Variants in TENM2 observed in about 807,000 individuals in gnomAD.
TENM2 encodes the protein teneurin-2.
A neutral mutation model predicts 245.2 loss-of-function variants in TENM2; 52 were observed. That is an observed-to-expected ratio of 0.21 (90% CI 0.17 to 0.27). The LOEUF is 0.27. Ranked by LOEUF, TENM2 falls within the 10% of genes least tolerant of loss-of-function variation. TENM2 has a pLI of 1.00. For missense variants in TENM2, 3,046 were observed against 3,666.8 expected (o/e 0.83, Z 4.37); for synonymous variants, 1,363 against 1,438.9 (o/e 0.95, Z 1.19).
At chr5:167,704,512 G>C (rs568507313) in intron 2 of TENM2, among the ~76,000 whole-genome samples, 5 of 152,124 alleles carry the variant, frequency 3.3e-5, no homozygotes, top group Admixed American at 1.3e-4. Flanking sequence ...TCACCCTCCT[G>C]CATCATCATA....
intron 1 of TENM2, among the ~76,000 whole-genome samples, chr5:167,302,507 A>C (rs1052540680): frequency 1.3e-5 from 2 of 150,008 alleles, no homozygotes; most frequent in African/African-American, 5.0e-5. Flanking sequence ...GGGTGCAGAG[A>C]TAAGAGGTCG....
At chr5:168,243,991 G>A (rs145176288) in intron 25 of TENM2, among the ~76,000 whole-genome samples, 4,530 of 147,468 alleles carry the variant, frequency 0.031, 87 homozygotes, top group Middle Eastern at 0.045. Flanking sequence ...CCAGGCTGGA[G>A]TGCATGGCAC....
intron 2 of TENM2, among the ~76,000 whole-genome samples, chr5:167,461,391 C>G (rs1766281629): frequency 6.6e-6 from 1 of 152,092 alleles, no homozygotes; most frequent in African/African-American, 2.4e-5. Context: ...CCTCAAGAGA[C>G]AGCTCCATTC....
At chr5:168,204,905 G>A (rs1341316732) in intron 19 of TENM2, among the ~76,000 whole-genome samples, 3 of 152,232 alleles carry the variant, frequency 2.0e-5, no homozygotes, top group Admixed American at 6.5e-5. Context: ...AAGAAGCTCT[G>A]TAGACACACA....
chr5:167,004,491 A>G, the TENM2 span, among the ~76,000 whole-genome samples: 4 of 152,186 alleles, frequency 2.6e-5, no homozygotes, highest in Non-Finnish European at 5.9e-5. Flanking sequence ...GTTCATTTTT[A>G]TTTCAGGCAG....
In TENM2 at chr5:167,800,562, C is replaced by A. The variant is rs150987028; in HGVS notation, c.503-75424C>A. ...TATTTTCAGCAGTTAACAAGCAGAG[C>A]CTGCAGTTATAATATGCTCATTAGG... is the stretch of plus-strand genomic sequence containing the variant. On this transcript the variant is annotated intron_variant, in intron 2 of 28. Coordinates refer to ENST00000518659, the Ensembl canonical transcript of TENM2. Among the ~76,000 whole-genome samples, 90 of 152,266 alleles carry A rather than the reference C, an allele frequency of 5.9e-4. No individual in the cohort carries two copies. In the East Asian group the frequency reaches 0.015, roughly 25 times the overall value.
intron 2 of TENM2, among the ~76,000 whole-genome samples, chr5:167,693,915 C>T (rs375191873): frequency 2.6e-5 from 4 of 152,232 alleles, no homozygotes; most frequent in African/African-American, 9.6e-5. Context: ...AAAGATTTAG[C>T]TTAAGGATGG....
chr5:167,491,598 T>C (rs1221793027), intron 2 of TENM2, among the ~76,000 whole-genome samples: 1 of 152,180 alleles, frequency 6.6e-6, no homozygotes, highest in African/African-American at 2.4e-5. Context: ...GGTTGTCCGC[T>C]GTTACCCAAT....
intron 1 of TENM2, among the ~76,000 whole-genome samples, chr5:167,335,466 G>A (rs1757701523): frequency 1.3e-5 from 2 of 152,138 alleles, no homozygotes; most frequent in African/African-American, 2.4e-5. Context: ...CTATGGCTTC[G>A]TGGCTTTTTA....
chr5:167,259,442 A>T, the TENM2 span, among the ~76,000 whole-genome samples: 3 of 152,232 alleles, frequency 2.0e-5, no homozygotes, highest in Non-Finnish European at 2.9e-5. Context: ...AATATCATTT[A>T]AATAATGAGT....
rs559987477 is a variant in TENM2, at chr5:167,328,875, A to G, written c.226+43812A>G. On this transcript the variant is annotated intron_variant, in intron 1 of 28. Transcript: ENST00000518659. ...TTTATCAGTATTTAACAAAGTATAT[A>G]TTTTGTTTAGTTTTAGCTTTTTTGG... is the stretch of plus-strand genomic sequence containing the variant. Among the ~76,000 whole-genome samples the G allele has an allele frequency of 2.4e-4, 37 of 152,212 alleles. No individual in the cohort carries two copies. In the East Asian group the frequency reaches 6.8e-3, roughly 28 times the overall value.
chr5:167,162,914 A>G, the TENM2 span, among the ~76,000 whole-genome samples: 5 of 152,224 alleles, frequency 3.3e-5, no homozygotes, highest in Non-Finnish European at 5.9e-5. Context: ...TTTTCATCCA[A>G]TGCTGACTCA....
intron 2 of TENM2, among the ~76,000 whole-genome samples, chr5:167,611,722 T>A (rs1777489972): frequency 3.3e-5 from 5 of 152,114 alleles, no homozygotes. Flanking sequence ...GGAGTTGGTA[T>A]CTGGTGAGGG....
chr5:167,441,506 G>A (rs953645415), intron 2 of TENM2, among the ~76,000 whole-genome samples: 7 of 152,260 alleles, frequency 4.6e-5, no homozygotes, highest in African/African-American at 1.7e-4. Context: ...TGTAATTTGG[G>A]TTTATTCAAC....
intron 9 of TENM2, among the ~76,000 whole-genome samples, chr5:168,114,008 T>C (rs541151991): frequency 6.6e-6 from 1 of 152,338 alleles, no homozygotes; most frequent in South Asian, 2.1e-4. Context: ...TAGTATGATT[T>C]GACATACGTC....
At chr5:167,048,158 T>C in the TENM2 span, among the ~76,000 whole-genome samples, 1 of 152,186 alleles carries the variant, frequency 6.6e-6, no homozygotes, top group African/African-American at 2.4e-5. Flanking sequence ...TACCAAGTAA[T>C]TATGGTTTTA....
chr5:167,727,104 C>CG (rs1760064217), intron 2 of TENM2, among the ~76,000 whole-genome samples: 1 of 96,132 alleles, frequency 1.0e-5, no homozygotes, highest in African/African-American at 4.1e-5. Context: ...CCATTAATTT[C>CG]TTTTTTTTTT....
At chr5:167,314,641 A>G (rs945701113) in intron 1 of TENM2, among the ~76,000 whole-genome samples, 5 of 152,154 alleles carry the variant, frequency 3.3e-5, no homozygotes, top group Non-Finnish European at 5.9e-5. Context: ...AAACTAGGAC[A>G]TCACCATCTA....
At chr5:167,545,424 A>G (rs1772492426) in intron 2 of TENM2, among the ~76,000 whole-genome samples, 1 of 152,202 alleles carries the variant, frequency 6.6e-6, no homozygotes, top group Admixed American at 6.5e-5. Context: ...CTCTATAATG[A>G]TATTACTCAG....
Sources: gnomAD v4.1 joint callset for allele counts (sites outside exome capture counted in the v4.1 genomes callset) on GRCh38, gnomAD v4.1.1 for gene constraint, MANE v1.5 for transcripts, NCBI Gene and HGNC (gene_info 2026-07-23, HGNC 2026-07-21) for gene names.